The following MCU variants were observed in gnomAD, a reference collection of about 807,000 sequenced individuals.
MCU encodes calcium uniporter protein, mitochondrial.
MCU carries 12 observed loss-of-function variants against 45.2 expected under a neutral mutation model. That is an observed-to-expected ratio of 0.27 (90% CI 0.17 to 0.43). The LOEUF is 0.43. MCU is among the 20% of genes least tolerant of loss of function. MCU has a pLI of 1.00. For synonymous variants in MCU, 160 were observed against 165.1 expected (o/e 0.97, Z 0.24); for missense variants, 324 against 436.7 (o/e 0.74, Z 2.30).
In MCU at chr10:72,884,682, G is replaced by A. The variant is rs113256738; in HGVS notation, c.978+300G>A. Among the ~76,000 whole-genome samples, 322 of 139,686 alleles carry A rather than the reference G, an allele frequency of 2.3e-3. 1 individual carries two copies. The highest frequency in any genetic ancestry group is 4.0e-3 in the Non-Finnish European group (258 of 64,264). The allele number at this position is 139,686 out of a possible 152,430, so 91.6% of individuals were successfully genotyped here. ...TTTTTCATTTTATTTCTTTGTAGTT[G>A]TCTGTTTCTACTTTTCCCTCTGCTT... On this transcript the variant is annotated intron_variant, in intron 7 of 7. Transcript: ENST00000373053.
At chr10:72,861,699 G>C (rs757907858) in intron 4 of MCU, 1 of 345,742 alleles carries the variant, frequency 2.9e-6, no homozygotes, top group South Asian at 2.1e-5. Context: ...GTTTTGCCAT[G>C]TTGGCCAGAA....
intron 1 of MCU, chr10:72,716,045 C>A: frequency 5.1e-6 from 1 of 194,436 alleles, no homozygotes; most frequent in Non-Finnish European, 9.4e-6. Flanking sequence ...CGTTGACAAA[C>A]TGTAGCATAA....
At chr10:72,693,173 A>AGTGTGTGTGTGTGT in intron 1 of MCU, 1 of 798,786 alleles carries the variant, frequency 1.3e-6, no homozygotes, top group South Asian at 1.6e-5. Flanking sequence ...CTCTTGGGTG[A>AGTGTGTGTGTGTGT]GTGTGTGTGT....
chr10:72,859,055 A>G (rs1488478434), intron 2 of MCU, 122 bp from the exon 3 acceptor site: 1 of 975,996 alleles, frequency 1.0e-6, no homozygotes, highest in Non-Finnish European at 1.5e-6. Flanking sequence ...ATGTTCTTAA[A>G]CCTTCTTTGA....
At chr10:72,765,416 T>C (rs1843711697) in intron 1 of MCU, among the ~76,000 whole-genome samples, 1 of 152,080 alleles carries the variant, frequency 6.6e-6, no homozygotes, top group Non-Finnish European at 1.5e-5. Flanking sequence ...TCCTAGGTCA[T>C]GTTTTATATT....
intron 1 of MCU, chr10:72,767,062 T>C (rs920793716): frequency 4.6e-5 from 7 of 152,216 alleles, no homozygotes; most frequent in Admixed American, 1.3e-4. Context: ...AGTTCCCTTG[T>C]GCTGCTTTGC....
At chr10:72,810,342 C>G (rs1439557300) in intron 1 of MCU, among the ~76,000 whole-genome samples, 1 of 151,718 alleles carries the variant, frequency 6.6e-6, no homozygotes, top group Non-Finnish European at 1.5e-5. Flanking sequence ...GACTGAGAGG[C>G]AGGAAACAGT....
intron 2 of MCU, among the ~76,000 whole-genome samples, chr10:72,834,792 G>A (rs571665165): frequency 1.2e-4 from 18 of 152,102 alleles, no homozygotes; most frequent in Non-Finnish European, 2.1e-4. Context: ...CTCCCAAGCA[G>A]CTGGGACCAG....
chr10:72,819,571 G>A (rs1350865461), intron 1 of MCU, among the ~76,000 whole-genome samples: 2 of 152,092 alleles, frequency 1.3e-5, no homozygotes, highest in Non-Finnish European at 2.9e-5. Flanking sequence ...TTCCTAGGCT[G>A]TAATAACTCA....
At chr10:72,843,511 A>G (rs532133859) in intron 2 of MCU, among the ~76,000 whole-genome samples, 1 of 152,242 alleles carries the variant, frequency 6.6e-6, no homozygotes, top group African/African-American at 2.4e-5. Flanking sequence ...GCACTGAATA[A>G]TAGTCTGTTA....
At chr10:72,790,903 CAT>C (rs1184566271) in intron 1 of MCU, among the ~76,000 whole-genome samples, 1 of 152,118 alleles carries the variant, frequency 6.6e-6, no homozygotes, top group East Asian at 1.9e-4. Context: ...AACAAGGAAA[CAT>C]ATTGTGGTCT....
intron 1 of MCU, among the ~76,000 whole-genome samples, chr10:72,822,268 CTAAA>C (rs1564566923): frequency 6.6e-6 from 1 of 151,916 alleles, no homozygotes; most frequent in Non-Finnish European, 1.5e-5. Context: ...CGAGACTCCT[CTAAA>C]TAAATGAATA....
chr10:72,710,554 T>G (rs1262668536), intron 1 of MCU, among the ~76,000 whole-genome samples: 2 of 147,618 alleles, frequency 1.4e-5, no homozygotes, highest in African/African-American at 5.1e-5. Context: ...TTTTTTTTTT[T>G]TTTTTTTTTT....
intron 4 of MCU, among the ~76,000 whole-genome samples, chr10:72,865,007 C>T (rs923849774): frequency 9.2e-5 from 14 of 152,074 alleles, no homozygotes; most frequent in Non-Finnish European, 2.9e-5. Context: ...GTATAACAAT[C>T]AGGAAAGTTA....
chr10:72,781,552 C>T (rs141370082), intron 1 of MCU, among the ~76,000 whole-genome samples: 11 of 152,272 alleles, frequency 7.2e-5, no homozygotes, highest in African/African-American at 1.4e-4. Flanking sequence ...ACAAGCCTTT[C>T]GGAGTTTGAG....
At chr10:72,803,478 TATTA>T (rs1418877084) in intron 1 of MCU, among the ~76,000 whole-genome samples, 3 of 152,050 alleles carry the variant, frequency 2.0e-5, no homozygotes, top group Non-Finnish European at 4.4e-5. Flanking sequence ...TGTCCTCTGC[TATTA>T]ATTTATTTAT....
chr10:72,873,211 G>A (rs1260518420), intron 6 of MCU, among the ~76,000 whole-genome samples: 2 of 151,446 alleles, frequency 1.3e-5, no homozygotes, highest in African/African-American at 4.8e-5. Flanking sequence ...GTAGAGACGG[G>A]GTTTCACCGT....
chr10:72,741,799 C>T (rs928685745), intron 1 of MCU, among the ~76,000 whole-genome samples: 4 of 152,178 alleles, frequency 2.6e-5, no homozygotes, highest in Non-Finnish European at 4.4e-5. Context: ...GAGGCCGAGG[C>T]GGGTGGATCA....
At chr10:72,818,253 A>G (rs1031681926) in intron 1 of MCU, among the ~76,000 whole-genome samples, 1 of 152,216 alleles carries the variant, frequency 6.6e-6, no homozygotes, top group Non-Finnish European at 1.5e-5. Context: ...TAGTGAGCAG[A>G]GAGAGGCTAA....
Sources: allele counts gnomAD v4.1 joint callset (sites outside exome capture counted in the v4.1 genomes callset), GRCh38; gene constraint gnomAD v4.1.1; transcripts MANE v1.5; gene names NCBI Gene and HGNC (gene_info 2026-07-23, HGNC 2026-07-21).